Variants in KIFC1 observed in about 807,000 individuals in gnomAD.
KIFC1 encodes the protein kinesin-like protein KIFC1.
Under a neutral mutation model 66.6 loss-of-function variants are expected in KIFC1, and 37 were observed. The ratio of observed to expected loss-of-function variants is 0.56; its 90% CI spans 0.43 to 0.73. The LOEUF (loss-of-function observed/expected upper bound fraction) is 0.73. Among genes scored for constraint, KIFC1 ranks in the 30% least tolerant of loss-of-function variants. The pLI is 0.00. For missense variants in KIFC1, 721 were observed against 859.8 expected (o/e 0.84, Z 2.02); for synonymous variants, 325 against 343.5 (o/e 0.95, Z 0.60).
At chr6:33,395,403 G>A (rs1232197672) in intron 1 of KIFC1, among the ~76,000 whole-genome samples, 1 of 152,170 alleles carries the variant, frequency 6.6e-6, no homozygotes, top group Non-Finnish European at 1.5e-5. Context: ...AGGATTTGGC[G>A]AGTCCAGGAT....
At position 33,395,151 on chromosome 6, in the gene KIFC1, A is replaced by T. The variant is rs572769553; in HGVS notation, c.13-2878A>T. On this transcript the variant is annotated intron_variant, in intron 1 of 10. Transcript: ENST00000428849. The stretch of plus-strand genomic sequence containing the variant: ...TGGTGGGAATGAAAGCCTGATTGCA[A>T]TGGGCTTAGGAGAGAAATTGGCCAC... Among the ~76,000 whole-genome samples the T allele has an allele frequency of 2.0e-5, 3 of 152,348 alleles. No individual in the cohort carries two copies. The South Asian group carries it at 6.2e-4, about 32-fold the overall frequency.
Position 33,398,316 on chromosome 6 carries a change from C to A in KIFC1, c.179C>A (p.Thr60Asn). ...KKRTRGLGAT[T>N]KITTSHPRVP... ...CGGACAAGAGGCCTGGGTGCAACGA[C>A]CAAAATTACCACATCCCACCCAAGA... is the stretch of plus-strand genomic sequence containing the variant. Residue 60 changes from threonine (T) to asparagine (N), a missense_variant, in exon 3 of 11, where the codon ACC (threonine) becomes AAC (asparagine). Coordinates refer to ENST00000428849, the MANE Select transcript of KIFC1 (RefSeq NM_002263.4). 1.9e-6 allele frequency: 3 copies of A among 1,614,062 alleles called. No homozygotes were observed. Among genetic ancestry groups the A allele is most frequent in the Non-Finnish European group, 2.5e-6 (3 of 1,180,008 alleles).
At chr6:33,392,101 A>C in intron 1 of KIFC1, 104 bp downstream of exon 1, 3 of 1,321,822 alleles carry the variant, frequency 2.3e-6, no homozygotes, top group Non-Finnish European at 2.1e-6. Context: ...TGTCATGTCT[A>C]CCGGGAGAGC....
chr6:33,398,217 G>C, intron 2 of KIFC1, 51 bp downstream of exon 2: 4 of 1,613,558 alleles, frequency 2.5e-6, no homozygotes, highest in Non-Finnish European at 3.4e-6. Context: ...GTGTGTGTGT[G>C]AAAGAAAGGA....
In KIFC1 at chr6:33,405,750, G is replaced by C. The variant is rs1775615319; in HGVS notation, c.1536+119G>C. ...TGAAGGATGAAGTGCAAGTTATCAG[G>C]CTGGGTTACCACATCCGGTTTTGGC... On this transcript the variant is annotated intron_variant, in intron 7 of 10. Transcript: ENST00000428849. This position sits in a 1 kb window ranked among gnomAD's most constrained non-coding sequence, Gnocchi z 5.4. 7 of 1,134,324 alleles carry C rather than the reference G, an allele frequency of 6.2e-6. No homozygotes were observed. Among genetic ancestry groups the C allele is most frequent in the Non-Finnish European group, 8.3e-6 (7 of 839,900 alleles). 70.3% of individuals were successfully genotyped at this position (1,134,324 alleles called of 1,614,324 possible). A position where few individuals can be genotyped will look rare whatever the true frequency, so the allele number is the denominator to read the frequency against.
In KIFC1 at chr6:33,391,833, A is replaced by C. The variant is rs144394879; in HGVS notation, c.-153A>C. 6,669 of 866,974 alleles carry C rather than the reference A, an allele frequency of 7.7e-3. 53 individuals carry two copies. Among genetic ancestry groups the C allele is most frequent in the Non-Finnish European group, 0.01 (5,539 of 544,788 alleles). The allele number at this position is 866,974 out of a possible 1,614,324, so 53.7% of individuals were successfully genotyped here. ...TGGGTGGTGGCCGTTGGAATTCAAA[A>C]GTGGCGGGTGTGGCGCGGGGCTGGT... On this transcript the variant is annotated 5_prime_UTR_variant, in exon 1 of 11. Transcript: ENST00000428849.
chr6:33,400,812 A>G lies in KIFC1; in HGVS notation c.250+2425A>G, dbSNP rs550593519. Reference sequence around the variant, plus strand: ...CAGGCGCCCTCCACCACACTTGGCTAATTTTGTTTTTTTGTATTTTTAATA... The same window carrying G: ...CAGGCGCCCTCCACCACACTTGGCTGATTTTGTTTTTTTGTATTTTTAATA... On this transcript the variant is annotated intron_variant, in intron 3 of 10. Transcript: ENST00000428849. This position sits in a 1 kb window ranked among gnomAD's most constrained non-coding sequence, Gnocchi z 4.3. Among the ~76,000 whole-genome samples the G allele has an allele frequency of 1.6e-3, 242 of 152,124 alleles. 2 individuals carry two copies. The highest frequency in any genetic ancestry group is 5.7e-3 in the African/African-American group (235 of 41,518).
chr6:33,406,912 G>A lies in KIFC1; in HGVS notation c.1977+37G>A. ...ACCCGTCAGCCTTGTCAGGACCCGT[G>A]GGTGGTTGTAGGCTTCTCCATTCCA... On this transcript the variant is annotated intron_variant, in intron 10 of 10. Coordinates refer to ENST00000428849, the MANE Select transcript of KIFC1 (RefSeq NM_002263.4). The surrounding 1 kb of genome is among the most constrained non-coding windows in gnomAD (Gnocchi z 4.5). 6.2e-7 allele frequency: 1 copy of A among 1,613,508 alleles called. No individual in the cohort carries two copies. Among genetic ancestry groups the A allele is most frequent in the Non-Finnish European group, 8.5e-7 (1 of 1,179,712 alleles).
At chr6:33,407,006 C>A in intron 10 of KIFC1, 131 bp downstream of exon 10, 1 of 1,452,474 alleles carries the variant, frequency 6.9e-7, no homozygotes, top group Non-Finnish European at 9.1e-7. Context: ...TGAGGCACTG[C>A]TCACCTGGTT....
At chr6:33,397,935 G>T in intron 1 of KIFC1, 94 bp from the exon 2 acceptor site, 1 of 1,321,990 alleles carries the variant, frequency 7.6e-7, no homozygotes, top group Non-Finnish European at 1.1e-6. Flanking sequence ...GTGCTTGGTG[G>T]TGGTGTTGAC....
At position 33,391,954 on chromosome 6, in the gene KIFC1, A is replaced by G. The variant is rs1422482865; in HGVS notation, c.-32A>G. ...CCGGCACCCAGTTCTCTTCCACTGC[A>G]TTCCCCCGGCGCGTGTGGGACCGAG... On this transcript the variant is annotated 5_prime_UTR_variant, in exon 1 of 11. Coordinates refer to ENST00000428849, the MANE Select transcript of KIFC1 (RefSeq NM_002263.4). 5 of 1,613,732 alleles carry G rather than the reference A, an allele frequency of 3.1e-6. No individual in the cohort carries two copies. The highest frequency in any genetic ancestry group is 3.4e-6 in the Non-Finnish European group (4 of 1,179,904).
chr6:33,398,392 G>T lies in KIFC1; in HGVS notation c.250+5G>T. ...AGACACAAGGCCAGACCACAGGTGG[G>T]CTCTCAGGATGGATAGACTCCAAGG... On this transcript the variant is annotated splice_donor_5th_base_variant and intron_variant, in intron 3 of 10. Coordinates refer to ENST00000428849, the MANE Select transcript of KIFC1 (RefSeq NM_002263.4). The T allele has an allele frequency of 6.2e-7, 1 of 1,605,274 alleles. No homozygotes were observed. Among genetic ancestry groups the T allele is most frequent in the Non-Finnish European group, 8.5e-7 (1 of 1,172,088 alleles).
rs1775673456 is a variant in KIFC1 at position 33,406,619 on chromosome 6, A to G, written c.1855A>G (p.Lys619Glu). Reference protein sequence around the residue: ...KESHVPYRNSKLTYLLQNSLG... With the variant: ...KESHVPYRNSELTYLLQNSLG... ...GTCCCACGTGCCTTACCGGAACAGC[A>G]AACTGACCTACCTGCTGCAGAACTC... The change falls in exon 9 of 11, where the codon AAA becomes GAA. Residue 619 changes from lysine to glutamate, a missense_variant. Physicochemically the swap from Lys to Glu is moderately conservative, Grantham distance 56. Transcript: ENST00000428849. The surrounding 1 kb of genome is among the most constrained non-coding windows in gnomAD (Gnocchi z 4.5). 1 of 1,614,092 alleles carries G rather than the reference A, an allele frequency of 6.2e-7. No homozygotes were observed. The highest frequency in any genetic ancestry group is 1.3e-5 in the African/African-American group (1 of 75,004).
intron 1 of KIFC1, among the ~76,000 whole-genome samples, chr6:33,396,684 C>CT (rs762241830): frequency 9.6e-4 from 128 of 133,638 alleles, no homozygotes; most frequent in Middle Eastern, 4.1e-3. Flanking sequence ...GAATTAATTT[C>CT]TTTTTTTTTT....
At position 33,405,158 on chromosome 6, in the gene KIFC1, G is replaced by C. The variant is rs745601454; in HGVS notation, c.1063G>C (p.Glu355Gln). The change falls in exon 7 of 11, where the codon GAG becomes CAG. Residue 355 changes from glutamate to glutamine, a missense_variant. Transcript: ENST00000428849. The surrounding 1 kb of genome is among the most constrained non-coding windows in gnomAD (Gnocchi z 5.4). ...CCGCCTTAGCCTCTCCCGGTCTGACGAGCGGCGTGGGACCCTGAGTGGGGC... is the reference window on the plus strand; with the variant it reads ...CCGCCTTAGCCTCTCCCGGTCTGACCAGCGGCGTGGGACCCTGAGTGGGGC... ...PTRLSLSRSD[E>Q]RRGTLSGAPA... 3 of 1,614,138 alleles carry C rather than the reference G, an allele frequency of 1.9e-6. No homozygotes were observed. The highest frequency in any genetic ancestry group is 2.5e-6 in the Non-Finnish European group (3 of 1,180,030).
In KIFC1 at chr6:33,406,307, C is replaced by T. The variant is rs758805956; in HGVS notation, c.1648C>T (p.His550Tyr). Residue 550 changes from histidine to tyrosine, a missense_variant, in exon 8 of 11, where the codon CAC (histidine) becomes TAC (tyrosine). Transcript: ENST00000428849. The surrounding 1 kb of genome is among the most constrained non-coding windows in gnomAD (Gnocchi z 4.5). Reference sequence around the variant, plus strand: ...ATTCCAGCTACAGATTTCTGGGGAGCACTCCAGCCGAGGCCTGCAGTGTGG... The same window carrying T: ...ATTCCAGCTACAGATTTCTGGGGAGTACTCCAGCCGAGGCCTGCAGTGTGG... The part of the protein sequence containing the change: ...SVFQLQISGE[H>Y]SSRGLQCGAP... 6.2e-7 allele frequency: 1 copy of T among 1,614,228 alleles called. No homozygotes were observed. Among genetic ancestry groups the T allele is most frequent in the Non-Finnish European group, 8.5e-7 (1 of 1,180,046 alleles).
In KIFC1 at chr6:33,400,555, A is replaced by C. The variant is rs1381326348; in HGVS notation, c.250+2168A>C. On this transcript the variant is annotated intron_variant, in intron 3 of 10. Transcript: ENST00000428849. The surrounding 1 kb of genome is among the most constrained non-coding windows in gnomAD (Gnocchi z 4.3). ...CTCGTTGGGGTCGAACTTCGGTGGCATGGTGGAGGCAGCTGGTGTCGGATG... is the reference window on the plus strand; with the variant it reads ...CTCGTTGGGGTCGAACTTCGGTGGCCTGGTGGAGGCAGCTGGTGTCGGATG... 1 of 1,404,884 alleles carries C rather than the reference A, an allele frequency of 7.1e-7. No homozygotes were observed. Among genetic ancestry groups the C allele is most frequent in the African/African-American group, 1.4e-5 (1 of 70,812 alleles). The allele number at this position is 1,404,884 out of a possible 1,614,324, so 87.0% of individuals were successfully genotyped here.
chr6:33,406,013 G>A lies in KIFC1; in HGVS notation c.1537-183G>A, dbSNP rs995678724. Among the ~76,000 whole-genome samples the A allele has an allele frequency of 7.9e-5, 12 of 151,670 alleles. No individual in the cohort carries two copies. The highest frequency in any genetic ancestry group is 4.2e-4 in the South Asian group (2 of 4,810). ...TGTCAAAACTTGTGTTCCCCACCCCGCCTTTATACACTCCCTATTCTATGT... is the reference window on the plus strand; with the variant it reads ...TGTCAAAACTTGTGTTCCCCACCCCACCTTTATACACTCCCTATTCTATGT... On this transcript the variant is annotated intron_variant, in intron 7 of 10. Coordinates refer to ENST00000428849, the MANE Select transcript of KIFC1 (RefSeq NM_002263.4). The surrounding 1 kb of genome is among the most constrained non-coding windows in gnomAD (Gnocchi z 4.5).
chr6:33,394,935 G>A (rs1212539110), intron 1 of KIFC1, among the ~76,000 whole-genome samples: 2 of 152,188 alleles, frequency 1.3e-5, no homozygotes, highest in Non-Finnish European at 2.9e-5. Flanking sequence ...AAAATCTGGA[G>A]AGATGAGGAG....
Sources: gnomAD v4.1 joint callset for allele counts (sites outside exome capture counted in the v4.1 genomes callset) on GRCh38, gnomAD v4.1.1 for gene constraint, Gnocchi (gnomAD v3.1) non-coding constraint, MANE v1.5 for transcripts, NCBI Gene and HGNC (gene_info 2026-07-23, HGNC 2026-07-21) for gene names.